PLA2G4C: variants seen among roughly 807,000 people sequenced by gnomAD.
The protein encoded by PLA2G4C is cytosolic phospholipase A2 gamma.
In PLA2G4C, 64 loss-of-function variants were observed where a neutral mutation model predicts 73.8. The ratio of observed to expected loss-of-function variants is 0.87; its 90% CI spans 0.71 to 1.07. The LOEUF (loss-of-function observed/expected upper bound fraction) is 1.07. Ranked by LOEUF, PLA2G4C falls within the 50% of genes least tolerant of loss-of-function variation. The pLI, the probability that PLA2G4C is intolerant of heterozygous loss-of-function variation, is 0.00. For synonymous variants in PLA2G4C, 254 were observed against 252.1 expected, an observed-to-expected ratio of 1.01 and a Z score of -0.07; for missense variants, 622 against 665.4, an observed-to-expected ratio of 0.93 and a Z score of 0.72.
intron 9 of PLA2G4C, among the ~76,000 whole-genome samples, chr19:48,087,424 T>A (rs1159912615): frequency 1.3e-5 from 2 of 152,150 alleles, no homozygotes; most frequent in African/African-American, 4.8e-5. Context: ...GGCGACTGCA[T>A]CCCCACAGGA....
chr19:48,054,765 G>A (rs535088917), intron 15 of PLA2G4C, 113 bp downstream of exon 15: 2 of 1,030,726 alleles, frequency 1.9e-6, no homozygotes, highest in African/African-American at 1.6e-5. Context: ...TGAACTGTGA[G>A]TCAATTAAAC....
At chr19:48,053,327 A>G (rs1412056991) in intron 15 of PLA2G4C, among the ~76,000 whole-genome samples, 180 bp from the exon 16 acceptor site, 1 of 139,528 alleles carries the variant, frequency 7.2e-6, no homozygotes, top group Admixed American at 7.1e-5. Context: ...GGATTTATCT[A>G]TATTTTTATG....
intron 8 of PLA2G4C, among the ~76,000 whole-genome samples, chr19:48,089,149 C>T (rs745438425): frequency 1.6e-4 from 25 of 152,070 alleles, no homozygotes; most frequent in Non-Finnish European, 2.2e-4. Context: ...AACATCAGCC[C>T]GGGCGTGGTG....
At chr19:48,109,882 C>T (rs1315298015) in intron 1 of PLA2G4C, among the ~76,000 whole-genome samples, 2 of 151,074 alleles carry the variant, frequency 1.3e-5, no homozygotes, top group Non-Finnish European at 3.0e-5. Context: ...ATCTCCTGAC[C>T]TCAGGATCCG....
chr19:48,105,624 G>T, intron 2 of PLA2G4C, 180 bp from the exon 3 acceptor site: 1 of 564,686 alleles, frequency 1.8e-6, no homozygotes. Flanking sequence ...GTACAACACT[G>T]TGAATGCATT....
intron 11 of PLA2G4C, among the ~76,000 whole-genome samples, chr19:48,075,754 A>G (rs1037574814): frequency 6.6e-6 from 1 of 152,036 alleles, no homozygotes; most frequent in African/African-American, 2.4e-5. Context: ...CCATCTCTTA[A>G]TACCATCACC....
chr19:48,092,027 A>G (rs2122637225), intron 7 of PLA2G4C, among the ~76,000 whole-genome samples: 1 of 151,960 alleles, frequency 6.6e-6, no homozygotes, highest in Non-Finnish European at 1.5e-5. Flanking sequence ...AAAATGGTAC[A>G]GCCACTGTGG....
intron 12 of PLA2G4C, among the ~76,000 whole-genome samples, chr19:48,069,966 C>T (rs556375917): frequency 4.6e-5 from 7 of 152,104 alleles, no homozygotes; most frequent in South Asian, 2.1e-4. Context: ...GACGGGGTTT[C>T]GCTATGTTGG....
chr19:48,062,805 C>T (rs1182340990), intron 13 of PLA2G4C, among the ~76,000 whole-genome samples: 2 of 152,126 alleles, frequency 1.3e-5, no homozygotes. Flanking sequence ...GTTTCTGAGA[C>T]AGGTCTCGGT....
chr19:48,098,752 A>AAAAAAAAAAAAG (rs2031744233), intron 5 of PLA2G4C, among the ~76,000 whole-genome samples: 1 of 117,240 alleles, frequency 8.5e-6, no homozygotes, highest in Non-Finnish European at 1.8e-5. Context: ...AAAAAAAAAA[A>AAAAAAAAAAAAG]TTTGTCAGGC....
intron 12 of PLA2G4C, among the ~76,000 whole-genome samples, chr19:48,070,498 A>C (rs907419018): frequency 6.6e-6 from 1 of 152,134 alleles, no homozygotes; most frequent in African/African-American, 2.4e-5. Context: ...AACCAAATAT[A>C]CCCATCAATG....
chr19:48,082,867 G>T (rs1207287475), intron 10 of PLA2G4C, among the ~76,000 whole-genome samples: 3 of 137,388 alleles, frequency 2.2e-5, no homozygotes, highest in South Asian at 2.3e-4. Context: ...AGGCTGGAGT[G>T]CAGTGGCTCG....
At chr19:48,088,817 T>A (rs777825327) in intron 8 of PLA2G4C, 105 bp from the exon 9 acceptor site, 96 of 887,664 alleles carry the variant, frequency 1.1e-4, no homozygotes, top group Admixed American at 9.5e-4. Flanking sequence ...TTAATAGAAA[T>A]GGCAGCCATG....
chr19:48,074,718 G>A (rs1404039783), intron 12 of PLA2G4C, 49 bp downstream of exon 12: 2 of 1,279,414 alleles, frequency 1.6e-6, no homozygotes, highest in Non-Finnish European at 2.3e-6. Context: ...GGGGGGAGAA[G>A]GTTGGTGGCA....
chr19:48,109,705 A>AG (rs2032393011), intron 1 of PLA2G4C, among the ~76,000 whole-genome samples: 2 of 152,092 alleles, frequency 1.3e-5, no homozygotes, highest in East Asian at 3.9e-4. Context: ...GCTGGAGTGC[A>AG]GTGGCGCAGT....
intron 4 of PLA2G4C, 186 bp downstream of exon 4, chr19:48,104,402 C>T (rs865798637): frequency 3.5e-6 from 2 of 564,170 alleles, no homozygotes; most frequent in East Asian, 6.3e-5. Context: ...GCCCCTTTCA[C>T]CTGTGGAATC....
At chr19:48,062,247 GT>G in intron 13 of PLA2G4C, 95 bp from the exon 14 acceptor site, 1 of 1,116,572 alleles carries the variant, frequency 9.0e-7, no homozygotes, top group South Asian at 1.6e-5. Context: ...GAAAATGATC[GT>G]TGTCAGTGTA....
At chr19:48,052,946 A>G (rs973947295) in intron 16 of PLA2G4C, 51 bp downstream of exon 16, 1 of 1,558,062 alleles carries the variant, frequency 6.4e-7, no homozygotes, top group Non-Finnish European at 8.7e-7. Context: ...TCTCCAACAG[A>G]TACTTACTGA....
At chr19:48,067,736 C>G (rs1388999716) in intron 13 of PLA2G4C, 55 bp downstream of exon 13, 2 of 1,195,728 alleles carry the variant, frequency 1.7e-6, no homozygotes, top group East Asian at 4.7e-5. Flanking sequence ...TTCCCCTACT[C>G]CAGCCCATTC....
Sources: allele counts gnomAD v4.1 joint callset (sites outside exome capture counted in the v4.1 genomes callset), GRCh38; gene constraint gnomAD v4.1.1; transcripts MANE v1.5; gene names NCBI Gene and HGNC (gene_info 2026-07-23, HGNC 2026-07-21).